Variants in DCDC2 observed in about 807,000 individuals in gnomAD.
DCDC2 encodes doublecortin domain containing 2.
Under a neutral mutation model 50.2 loss-of-function variants are expected in DCDC2, and 40 were observed. That is an observed-to-expected ratio of 0.80 (90% CI 0.62 to 1.04). The LOEUF (loss-of-function observed/expected upper bound fraction) is 1.04, where lower values mean the gene tolerates loss of function less well. Ranked by LOEUF, DCDC2 falls within the 50% of genes least tolerant of loss-of-function variation. The probability of loss-of-function intolerance (pLI) is 0.00; values close to 1 mark genes in which losing one functional copy is unlikely to be tolerated. For synonymous variants in DCDC2, 234 were observed against 210.6 expected (o/e 1.11, Z -0.96); for missense variants, 570 against 581.9 (o/e 0.98, Z 0.21).
chr6:24,237,283 G>A (rs1234096575), intron 7 of DCDC2, among the ~76,000 whole-genome samples: 3 of 152,114 alleles, frequency 2.0e-5, no homozygotes, highest in Non-Finnish European at 4.4e-5. Flanking sequence ...TATTAGCTAG[G>A]TGATGAAATA....
At chr6:24,337,619 C>T (rs1271965286) in intron 2 of DCDC2, among the ~76,000 whole-genome samples, 3 of 151,926 alleles carry the variant, frequency 2.0e-5, no homozygotes, top group Admixed American at 1.3e-4. Context: ...CATGGTGAAA[C>T]CCCATCTCTA....
chr6:24,240,611 G>A (rs1477835149), intron 7 of DCDC2, among the ~76,000 whole-genome samples: 3 of 152,116 alleles, frequency 2.0e-5, no homozygotes, highest in African/African-American at 7.2e-5. Flanking sequence ...TTACAGACTA[G>A]GGGACTAGTC....
chr6:24,301,831 T>C lies in DCDC2; in HGVS notation c.441A>G (p.Gly147=), dbSNP rs1185584424. The C allele has an allele frequency of 1.2e-6, 2 of 1,614,196 alleles. No individual in the cohort carries two copies. The highest frequency in any genetic ancestry group is 1.7e-6 in the Non-Finnish European group (2 of 1,180,032). ...EPCTIFLIAN[G]DLINPASRLL... is the part of the protein sequence containing the mutation. Reference sequence around the variant, plus strand: ...GGCGAGAAGCTGGGTTTATGAGGTCTCCATTTGCAATCAAGCTGGAAAACA... The same window carrying C: ...GGCGAGAAGCTGGGTTTATGAGGTCCCCATTTGCAATCAAGCTGGAAAACA... The change falls in exon 4 of 10, where the codon GGA becomes GGG. Residue 147 remains glycine, a synonymous_variant. Coordinates refer to ENST00000378454, the MANE Select transcript of DCDC2 (RefSeq NM_016356.5).
upstream of DCDC2, among the ~76,000 whole-genome samples, chr6:24,358,776 A>G (rs1457355582): frequency 1.1e-5 from 1 of 87,498 alleles, no homozygotes; most frequent in African/African-American, 4.6e-5. Context: ...ATATTTTTAT[A>G]TATAATATAT....
chr6:24,234,606 T>G (rs1581602316), intron 7 of DCDC2, among the ~76,000 whole-genome samples: 1 of 152,170 alleles, frequency 6.6e-6, no homozygotes, highest in East Asian at 1.9e-4. Context: ...TCCAAATATT[T>G]AGTAAGTAAA....
chr6:24,255,178 A>G lies in DCDC2; in HGVS notation c.922+22871T>C, dbSNP rs78609173. On this transcript the variant is annotated intron_variant, in intron 7 of 9. Transcript: ENST00000378454. ...TGATTCACATATACATAAATATCTA[A>G]GTTAAGACGAAGGTGACACCACAAT... Among the ~76,000 whole-genome samples the G allele has an allele frequency of 8.6e-3, 1,310 of 152,250 alleles. 17 individuals carry two copies. The highest frequency in any genetic ancestry group is 0.029 in the African/African-American group (1,202 of 41,560).
At chr6:24,191,433 T>C (rs1303776116) in intron 8 of DCDC2, among the ~76,000 whole-genome samples, 3 of 152,210 alleles carry the variant, frequency 2.0e-5, no homozygotes, top group African/African-American at 7.2e-5. Flanking sequence ...ATATTATGTA[T>C]GTGTAGACCA....
rs911570078 is a variant in DCDC2 at position 24,178,546 on chromosome 6, A to C, written c.1110T>G (p.Asn370Lys). 1.4e-5 allele frequency: 23 copies of C among 1,614,028 alleles called. No homozygotes were observed. Among genetic ancestry groups the C allele is most frequent in the Non-Finnish European group, 1.9e-5 (23 of 1,180,034 alleles). ...TACCTCCTTCCTCTTCAAGGTCACC[A>C]TTCATTCCTGAAAAGTCTTCTTTCT... ...AEQKEDFSGM[N>K]GDLEEEGGRE... The change falls in exon 9 of 10, where the codon AAT (asparagine) becomes AAG (lysine). Residue 370 changes from asparagine (N) to lysine (K), a missense_variant. Physicochemically the swap from Asn to Lys is moderately conservative, Grantham distance 94 (BLOSUM62 0). Coordinates refer to ENST00000378454, the MANE Select transcript of DCDC2 (RefSeq NM_016356.5).
At chr6:24,208,791 C>G (rs1761785753) in intron 7 of DCDC2, among the ~76,000 whole-genome samples, 1 of 152,226 alleles carries the variant, frequency 6.6e-6, no homozygotes, top group Non-Finnish European at 1.5e-5. Flanking sequence ...TAGGCATAGA[C>G]CACAATTTTT....
intron 8 of DCDC2, among the ~76,000 whole-genome samples, chr6:24,181,895 A>G (rs1761081659): frequency 6.6e-6 from 1 of 152,216 alleles, no homozygotes; most frequent in South Asian, 2.1e-4. Flanking sequence ...GAGAATTCCC[A>G]CTTCTTTATT....
At chr6:24,359,138 T>C (rs1471858663), upstream of DCDC2, among the ~76,000 whole-genome samples, 1 of 74,392 alleles carries the variant, frequency 1.3e-5, no homozygotes, top group Admixed American at 2.6e-4. Flanking sequence ...ATATTTTATA[T>C]ATATTATATA....
intron 9 of DCDC2, among the ~76,000 whole-genome samples, chr6:24,175,135 T>C (rs1479470362): frequency 1.3e-5 from 2 of 152,328 alleles, no homozygotes; most frequent in African/African-American, 4.8e-5. Flanking sequence ...TTTGAGCTTT[T>C]CTTCAATTTA....
At chr6:24,308,867 G>A (rs1759521958) in intron 2 of DCDC2, among the ~76,000 whole-genome samples, 1 of 152,092 alleles carries the variant, frequency 6.6e-6, no homozygotes, top group Non-Finnish European at 1.5e-5. Context: ...AAAGGAAGTT[G>A]AAACAAAGAC....
At chr6:24,246,086 G>C (rs1310713660) in intron 7 of DCDC2, among the ~76,000 whole-genome samples, 1 of 151,980 alleles carries the variant, frequency 6.6e-6, no homozygotes, top group Non-Finnish European at 1.5e-5. Flanking sequence ...TCCACCTCCT[G>C]GGTTCAAGGG....
At position 24,281,487 on chromosome 6, in the gene DCDC2, G is replaced by GAA. The variant is rs59842458; in HGVS notation, c.760-3278_760-3277dup. Among the ~76,000 whole-genome samples the GAA allele has an allele frequency of 3.1e-3, 260 of 83,730 alleles. 2 individuals are homozygous for GAA. Among genetic ancestry groups the GAA allele is most frequent in the South Asian group, 0.019 (40 of 2,122 alleles). 54.9% of individuals were successfully genotyped at this position (83,730 alleles called of 152,430 possible). Reference sequence around the variant, plus strand: ...ACTGCACCCAGCTAAATGCTTTTAAGAAAAAAAAAAAAAAAAAAAAAAGGA... The same window carrying GAA: ...ACTGCACCCAGCTAAATGCTTTTAAGAAAAAAAAAAAAAAAAAAAAAAAAGGA... On this transcript the variant is annotated intron_variant, in intron 6 of 9. Coordinates refer to ENST00000378454, the MANE Select transcript of DCDC2 (RefSeq NM_016356.5).
At chr6:24,300,681 C>A (rs1195008378) in intron 4 of DCDC2, among the ~76,000 whole-genome samples, 1 of 152,150 alleles carries the variant, frequency 6.6e-6, no homozygotes, top group Non-Finnish European at 1.5e-5. Context: ...CATTTGAGAA[C>A]TATTTTATCA....
the DCDC2 span, among the ~76,000 whole-genome samples, chr6:24,376,362 C>G: frequency 6.6e-6 from 1 of 152,170 alleles, no homozygotes. Context: ...GCAGGGCTCC[C>G]TGGGCCCCTG....
chr6:24,301,991 C>A lies in DCDC2; in HGVS notation c.402G>T (p.Pro134=), dbSNP rs142088541. The change falls in exon 3 of 10, where the codon CCG becomes CCT. Residue 134 remains proline (P), a synonymous_variant. Transcript: ENST00000378454. ...ACAAGATAGTGCACGGCTCCTGAAG[C>A]GGTTTTCTAAAGCGAGCTGACACGT... ...RINVSARFRK[P]LQEPCTIFLI... is the part of the protein sequence containing the mutation. The A allele has an allele frequency of 1.2e-6, 2 of 1,613,820 alleles. No individual in the cohort carries two copies. The highest frequency in any genetic ancestry group is 1.7e-6 in the Non-Finnish European group (2 of 1,179,962).
At chr6:24,305,794 A>AGC (rs546066721) in intron 2 of DCDC2, among the ~76,000 whole-genome samples, 1 of 151,884 alleles carries the variant, frequency 6.6e-6, no homozygotes, top group Non-Finnish European at 1.5e-5. Flanking sequence ...TGGGAGGCCA[A>AGC]GGGGGGGTGG....
Sources: allele counts gnomAD v4.1 joint callset (sites outside exome capture counted in the v4.1 genomes callset), GRCh38; gene constraint gnomAD v4.1.1; transcripts MANE v1.5; gene names NCBI Gene and HGNC (gene_info 2026-07-23, HGNC 2026-07-21).